Variants in DGKB observed in about 807,000 individuals in gnomAD.
DGKB encodes diacylglycerol kinase beta.
A neutral mutation model predicts 114.3 loss-of-function variants in DGKB; 67 were observed. That is an observed-to-expected ratio of 0.59 (90% CI 0.48 to 0.72). DGKB has a LOEUF of 0.72. Among genes scored for constraint, DGKB ranks in the 30% least tolerant of loss-of-function variants. The pLI is 0.00. For synonymous variants in DGKB, 398 were observed against 323.1 expected, an observed-to-expected ratio of 1.23 and a Z score of -2.49; for missense variants, 907 against 975.2, an observed-to-expected ratio of 0.93 and a Z score of 0.93.
At chr7:14,931,995 C>G (rs902254174) in intron 1 of DGKB, among the ~76,000 whole-genome samples, 9 of 152,280 alleles carry the variant, frequency 5.9e-5, no homozygotes, top group African/African-American at 1.9e-4. Context: ...GCAATCAATG[C>G]TGCTGGTTCC....
intron 13 of DGKB, among the ~76,000 whole-genome samples, chr7:14,654,825 T>A (rs182268907): frequency 6.6e-6 from 1 of 152,042 alleles, no homozygotes; most frequent in South Asian, 2.1e-4. Flanking sequence ...TGGATATTCA[T>A]ATGCAGAGGA....
At chr7:14,300,727 T>C (rs1421330829) in intron 23 of DGKB, among the ~76,000 whole-genome samples, 3 of 152,258 alleles carry the variant, frequency 2.0e-5, no homozygotes, top group South Asian at 4.1e-4. Context: ...AATCCAGTTT[T>C]AACAAGTGTA....
intron 21 of DGKB, among the ~76,000 whole-genome samples, chr7:14,423,815 T>C (rs563881047): frequency 1.3e-5 from 2 of 152,128 alleles, no homozygotes; most frequent in Non-Finnish European, 2.9e-5. Context: ...AAACTCTTAA[T>C]TGCTTTCTCA....
chr7:14,316,010 G>A (rs1459114461), intron 23 of DGKB, among the ~76,000 whole-genome samples: 5 of 151,290 alleles, frequency 3.3e-5, no homozygotes, highest in Non-Finnish European at 4.4e-5. Context: ...CATGGAAACT[G>A]AACAACCTGC....
intron 21 of DGKB, among the ~76,000 whole-genome samples, chr7:14,346,823 CAT>C (rs1812553658): frequency 6.6e-6 from 1 of 151,870 alleles, no homozygotes; most frequent in South Asian, 2.1e-4. Flanking sequence ...TGATGAAAAA[CAT>C]ATCATTCTAC....
intron 21 of DGKB, among the ~76,000 whole-genome samples, chr7:14,462,754 AT>A (rs542117586): frequency 1.9e-3 from 286 of 152,324 alleles, no homozygotes; most frequent in African/African-American, 6.3e-3. Context: ...TAAATTTCAT[AT>A]GGAGCCAAAA....
chr7:14,174,078 G>C (rs928288702), intron 25 of DGKB, among the ~76,000 whole-genome samples: 3 of 152,070 alleles, frequency 2.0e-5, no homozygotes, highest in Non-Finnish European at 4.4e-5. Context: ...TTTCAAGCTG[G>C]AGAAGCTTGA....
At chr7:14,203,855 G>C (rs1460170927) in intron 23 of DGKB, among the ~76,000 whole-genome samples, 2 of 151,962 alleles carry the variant, frequency 1.3e-5, no homozygotes, top group Non-Finnish European at 2.9e-5. Flanking sequence ...TACTTCAGTA[G>C]CAGATGTGGG....
At chr7:14,703,041 C>T (rs1056070123) in intron 6 of DGKB, among the ~76,000 whole-genome samples, 22 of 96,888 alleles carry the variant, frequency 2.3e-4, no homozygotes, top group African/African-American at 7.3e-4. Context: ...GGTAATGATT[C>T]CTTCTCATAC....
At chr7:14,831,959 C>T (rs1198425982) in intron 2 of DGKB, among the ~76,000 whole-genome samples, 5 of 151,412 alleles carry the variant, frequency 3.3e-5, no homozygotes, top group African/African-American at 7.3e-5. Flanking sequence ...GAATATATCT[C>T]GGAGAAGCCA....
intron 21 of DGKB, among the ~76,000 whole-genome samples, chr7:14,376,711 G>T (rs1406843142): frequency 6.6e-6 from 1 of 152,134 alleles, no homozygotes; most frequent in Admixed American, 6.5e-5. Context: ...CACATGTGTT[G>T]CCTGTTTGAA....
chr7:14,440,614 A>G (rs1829949449), intron 21 of DGKB, among the ~76,000 whole-genome samples: 1 of 152,196 alleles, frequency 6.6e-6, no homozygotes, highest in Admixed American at 6.5e-5. Context: ...CTATTGCTTG[A>G]ATTTGCTAAC....
At chr7:14,433,242 A>G (rs2128794656) in intron 21 of DGKB, among the ~76,000 whole-genome samples, 1 of 152,272 alleles carries the variant, frequency 6.6e-6, no homozygotes, top group Admixed American at 6.5e-5. Context: ...TCCCCATGAG[A>G]TTAGCTGATG....
intron 23 of DGKB, among the ~76,000 whole-genome samples, chr7:14,269,406 G>A (rs200598147): frequency 6.6e-6 from 1 of 152,188 alleles, no homozygotes; most frequent in Non-Finnish European, 1.5e-5. Flanking sequence ...CCACAAGTAG[G>A]TTTAAAGACT....
At position 14,630,260 on chromosome 7, in the gene DGKB, G is replaced by T. The variant is rs1809443365; in HGVS notation, c.1143C>A (p.Pro381=). The T allele has an allele frequency of 6.4e-7, 1 of 1,557,826 alleles. No homozygotes were observed. The highest frequency in any genetic ancestry group is 1.7e-4 in the Middle Eastern group (1 of 5,958). Reference sequence around the variant, plus strand: ...CCTCAGGAACTGAAACTCCTGAAGTGGGCAGAGTCTGCTGAAAAAGAGAAG... The same window carrying T: ...CCTCAGGAACTGAAACTCCTGAAGTTGGCAGAGTCTGCTGAAAAAGAGAAG... The part of the protein sequence containing the change: ...TTICPVVLTL[P]TSGVSVPEER... Residue 381 remains proline (P), a synonymous_variant, in exon 14 of 26, where the codon CCC becomes CCA. Coordinates refer to ENST00000402815, the MANE Select transcript of DGKB (RefSeq NM_001350709.2).
chr7:14,897,881 G>A (rs906954329), intron 1 of DGKB, among the ~76,000 whole-genome samples: 1 of 151,918 alleles, frequency 6.6e-6, no homozygotes, highest in African/African-American at 2.4e-5. Context: ...TATTCCTTCA[G>A]CGGATAGAAT....
At chr7:14,246,060 A>C (rs1461264349) in intron 23 of DGKB, among the ~76,000 whole-genome samples, 1 of 152,184 alleles carries the variant, frequency 6.6e-6, no homozygotes, top group Non-Finnish European at 1.5e-5. Context: ...TCTGGTTACA[A>C]ATTAGCTTTC....
At chr7:14,676,194 T>A (rs897838612) in intron 12 of DGKB, among the ~76,000 whole-genome samples, 21 of 152,076 alleles carry the variant, frequency 1.4e-4, no homozygotes, top group Admixed American at 7.2e-4. Flanking sequence ...TTCTTTAAGA[T>A]ACTGGTAATA....
chr7:14,733,464 A>T (rs1338317079), intron 5 of DGKB, among the ~76,000 whole-genome samples: 1 of 152,180 alleles, frequency 6.6e-6, no homozygotes, highest in Non-Finnish European at 1.5e-5. Context: ...AGGCGGGCAG[A>T]TTGCTTGAGG....
Sources: allele counts gnomAD v4.1 joint callset (sites outside exome capture counted in the v4.1 genomes callset), GRCh38; gene constraint gnomAD v4.1.1; transcripts MANE v1.5; gene names NCBI Gene and HGNC (gene_info 2026-07-23, HGNC 2026-07-21).